Variants in HMGCLL1 observed in about 807,000 individuals in gnomAD.
The protein encoded by HMGCLL1 is 3-hydroxymethyl-3-methylglutaryl-CoA lyase, cytoplasmic.
Under a neutral mutation model 39.1 loss-of-function variants are expected in HMGCLL1, and 36 were observed. The observed-to-expected ratio is 0.92, with a 90% CI of 0.71 to 1.22. The LOEUF (loss-of-function observed/expected upper bound fraction) is 1.22, where lower values mean the gene tolerates loss of function less well. HMGCLL1 is among the 50% of genes most tolerant of loss of function. HMGCLL1 has a pLI of 0.00. For missense variants in HMGCLL1, 451 were observed against 416.5 expected, an observed-to-expected ratio of 1.08 and a Z score of -0.72; for synonymous variants, 149 against 144.0, an observed-to-expected ratio of 1.03 and a Z score of -0.25.
chr6:55,604,472 A>G, the HMGCLL1 span, among the ~76,000 whole-genome samples: 1 of 152,100 alleles, frequency 6.6e-6, no homozygotes, highest in Non-Finnish European at 1.5e-5. Flanking sequence ...ATATATTGTA[A>G]CTTTAAAAAT....
chr6:55,657,924 G>A, the HMGCLL1 span, among the ~76,000 whole-genome samples: 2 of 151,912 alleles, frequency 1.3e-5, no homozygotes, highest in African/African-American at 4.8e-5. Flanking sequence ...AAGGTGGAAG[G>A]AGGGGGGAGG....
At chr6:55,628,906 A>G in the HMGCLL1 span, among the ~76,000 whole-genome samples, 15 of 152,122 alleles carry the variant, frequency 9.9e-5, no homozygotes, top group Non-Finnish European at 1.9e-4. Flanking sequence ...CTCCTCAGTC[A>G]TGTGGAACTG....
rs1766744189 is a variant in HMGCLL1, at chr6:55,499,227, G to A, written c.606+9C>T. 6.2e-7 allele frequency: 1 copy of A among 1,604,084 alleles called. No homozygotes were observed. Among genetic ancestry groups the A allele is most frequent in the Non-Finnish European group, 8.5e-7 (1 of 1,175,140 alleles). ...ACCATAAACCAAAAAAGCTGAAGAT[G>A]TAGCTTACTTCTGTCACTTTTTGCG... is the stretch of plus-strand genomic sequence containing the variant. On this transcript the variant is annotated intron_variant, in intron 6 of 8. Coordinates refer to ENST00000274901, the MANE Select transcript of HMGCLL1 (RefSeq NM_001042406.2).
At chr6:55,506,742 C>A (rs1168067623) in intron 5 of HMGCLL1, among the ~76,000 whole-genome samples, 9 of 151,548 alleles carry the variant, frequency 5.9e-5, no homozygotes, top group Non-Finnish European at 1.5e-5. Context: ...ATGATGGACC[C>A]AAAGCCCAAA....
chr6:55,675,532 A>T, the HMGCLL1 span, among the ~76,000 whole-genome samples: 1 of 152,106 alleles, frequency 6.6e-6, no homozygotes, highest in Non-Finnish European at 1.5e-5. Flanking sequence ...TTTCTAAAGG[A>T]TGTAATGCCT....
chr6:55,561,212 TAAC>T (rs1770929320), intron 1 of HMGCLL1, among the ~76,000 whole-genome samples: 1 of 152,174 alleles, frequency 6.6e-6, no homozygotes, highest in African/African-American at 2.4e-5. Context: ...CTCATATTAA[TAAC>T]AACTTGGAAT....
intron 7 of HMGCLL1, among the ~76,000 whole-genome samples, chr6:55,456,086 C>G (rs1412727914): frequency 6.6e-6 from 1 of 152,072 alleles, no homozygotes; most frequent in Admixed American, 6.6e-5. Context: ...GAAGGTCACA[C>G]GCATATAAGC....
the HMGCLL1 span, among the ~76,000 whole-genome samples, chr6:55,650,298 C>G: frequency 6.6e-6 from 1 of 151,040 alleles, no homozygotes; most frequent in African/African-American, 2.4e-5. Flanking sequence ...TCTTCATAGT[C>G]TGGGCTTGTT....
the HMGCLL1 span, among the ~76,000 whole-genome samples, chr6:55,667,672 C>T: frequency 6.1e-4 from 92 of 151,872 alleles, no homozygotes; most frequent in African/African-American, 1.6e-3. Context: ...ACATATATAA[C>T]ATTATAAATT....
the HMGCLL1 span, among the ~76,000 whole-genome samples, chr6:55,631,910 G>C: frequency 6.6e-6 from 1 of 152,042 alleles, no homozygotes; most frequent in African/African-American, 2.4e-5. Flanking sequence ...AAGGTAAAAG[G>C]CACAGCACTT....
At chr6:55,532,899 C>T (rs935854990) in intron 3 of HMGCLL1, among the ~76,000 whole-genome samples, 37 of 150,292 alleles carry the variant, frequency 2.5e-4, no homozygotes, top group Non-Finnish European at 4.4e-4. Flanking sequence ...TTTCCATATT[C>T]TTTTTTTGAG....
the HMGCLL1 span, among the ~76,000 whole-genome samples, chr6:55,622,371 GT>G: frequency 7.5e-3 from 1,147 of 152,050 alleles, 13 homozygotes; most frequent in African/African-American, 0.026. Flanking sequence ...AGGCTTTTCA[GT>G]TTTTACTCAT....
intron 7 of HMGCLL1, among the ~76,000 whole-genome samples, chr6:55,441,260 C>A (rs553058902): frequency 6.6e-6 from 1 of 152,108 alleles, no homozygotes; most frequent in African/African-American, 2.4e-5. Flanking sequence ...GGTGATCAGA[C>A]ATGACCTTCG....
At chr6:55,674,859 C>G in the HMGCLL1 span, among the ~76,000 whole-genome samples, 1 of 152,002 alleles carries the variant, frequency 6.6e-6, no homozygotes, top group East Asian at 1.9e-4. Flanking sequence ...AGGAGACAGG[C>G]TTCAATTAAG....
chr6:55,585,233 G>A, the HMGCLL1 span, among the ~76,000 whole-genome samples: 1 of 152,060 alleles, frequency 6.6e-6, no homozygotes, highest in Non-Finnish European at 1.5e-5. Context: ...TCAGAACAAA[G>A]CCATAAACCA....
At chr6:55,649,898 G>T in the HMGCLL1 span, among the ~76,000 whole-genome samples, 1 of 150,902 alleles carries the variant, frequency 6.6e-6, no homozygotes, top group Non-Finnish European at 1.5e-5. Context: ...CAGCCTGTCA[G>T]TTGCATCTTT....
At chr6:55,661,848 A>G in the HMGCLL1 span, among the ~76,000 whole-genome samples, 1 of 151,982 alleles carries the variant, frequency 6.6e-6, no homozygotes, top group Non-Finnish European at 1.5e-5. Context: ...ATTCATGAGC[A>G]TGAATTGTTT....
chr6:55,595,014 A>G, the HMGCLL1 span, among the ~76,000 whole-genome samples: 3 of 152,094 alleles, frequency 2.0e-5, no homozygotes, highest in African/African-American at 7.2e-5. Flanking sequence ...AATGCTTTTT[A>G]TTTTTCCGTA....
At chr6:55,546,474 A>G (rs1381797222) in intron 1 of HMGCLL1, among the ~76,000 whole-genome samples, 10 of 152,118 alleles carry the variant, frequency 6.6e-5, no homozygotes, top group African/African-American at 2.2e-4. Context: ...TAAAATTTGG[A>G]CAAGTAAAAT....
Sources: allele counts gnomAD v4.1 joint callset (sites outside exome capture counted in the v4.1 genomes callset), GRCh38; gene constraint gnomAD v4.1.1; transcripts MANE v1.5; gene names NCBI Gene and HGNC (gene_info 2026-07-23, HGNC 2026-07-21).